Variants in SMARCA4 observed in about 807,000 individuals in gnomAD.
SMARCA4 encodes the protein SWI/SNF-related matrix-associated actin-dependent regulator of chromatin subfamily A member 4.
SMARCA4 carries 31 observed loss-of-function variants against 193.9 expected under a neutral mutation model. The ratio of observed to expected loss-of-function variants is 0.16; its 90% CI spans 0.12 to 0.22. The LOEUF is 0.22. SMARCA4 is among the 10% of genes least tolerant of loss of function. The pLI is 1.00. For missense variants in SMARCA4, 1,148 were observed against 2,296.0 expected (o/e 0.50, Z 10.22); for synonymous variants, 942 against 933.1 (o/e 1.01, Z -0.17).
In SMARCA4 at chr19:11,023,583, C is replaced by T. The variant is rs376805784; in HGVS notation, c.2925C>T (p.Phe975=). The part of the protein sequence containing the change: ...IRRLHKVLRP[F]LLRRLKKEVE... Reference sequence around the variant, plus strand: ...GTCTCCACAAAGTGCTGCGGCCCTTCTTGCTCCGACGACTCAAGAAGGAAG... The same window carrying T: ...GTCTCCACAAAGTGCTGCGGCCCTTTTTGCTCCGACGACTCAAGAAGGAAG... Residue 975 remains phenylalanine (F), a synonymous_variant, in exon 20 of 35, where the codon TTC becomes TTT. Transcript: ENST00000344626. The T allele has an allele frequency of 4.3e-6, 7 of 1,613,192 alleles. No individual in the cohort carries two copies. The highest frequency in any genetic ancestry group is 5.1e-6 in the Non-Finnish European group (6 of 1,179,652).
intron 14 of SMARCA4, among the ~76,000 whole-genome samples, chr19:11,009,006 A>C (rs1216529386): frequency 2.7e-4 from 13 of 48,710 alleles, no homozygotes; most frequent in African/African-American, 1.1e-3. Context: ...GATAAAAGTC[A>C]CTTTTTTTTT....
intron 30 of SMARCA4, among the ~76,000 whole-genome samples, chr19:11,049,492 T>G (rs55780611): frequency 2.3e-4 from 30 of 128,696 alleles, no homozygotes; most frequent in South Asian, 5.3e-4. Flanking sequence ...TGTGTTTTTT[T>G]TTTTTTTTTT....
intron 15 of SMARCA4, chr19:11,012,471 G>A: frequency 5.1e-6 from 1 of 197,378 alleles, no homozygotes; most frequent in South Asian, 9.9e-5. Context: ...TTTGCAAATA[G>A]TCTTCTGTTT....
At chr19:11,051,111 C>T (rs537191370) in intron 30 of SMARCA4, among the ~76,000 whole-genome samples, 2 of 152,354 alleles carry the variant, frequency 1.3e-5, no homozygotes, top group Admixed American at 1.3e-4. Context: ...CCCTGTGGAG[C>T]CGTGCTGGGG....
At chr19:11,024,171 C>T (rs2090079335) in intron 20 of SMARCA4, among the ~76,000 whole-genome samples, 160 bp from the exon 21 acceptor site, 1 of 152,168 alleles carries the variant, frequency 6.6e-6, no homozygotes, top group Non-Finnish European at 1.5e-5. Context: ...CCCAGGTCTC[C>T]CCTCTTCTCC....
intron 30 of SMARCA4, among the ~76,000 whole-genome samples, chr19:11,045,177 G>A (rs541397331): frequency 3.3e-5 from 5 of 152,246 alleles, no homozygotes; most frequent in South Asian, 2.1e-4. Flanking sequence ...AAAATTAGCC[G>A]GGTGTGGTGG....
At chr19:11,016,903 C>A (rs914660430) in intron 16 of SMARCA4, among the ~76,000 whole-genome samples, 2 of 152,102 alleles carry the variant, frequency 1.3e-5, no homozygotes, top group African/African-American at 4.8e-5. Context: ...TCCCTCAAAT[C>A]AGCCATTTCT....
chr19:11,046,914 C>T (rs1382514697), intron 30 of SMARCA4, among the ~76,000 whole-genome samples: 2 of 146,358 alleles, frequency 1.4e-5, no homozygotes, highest in Admixed American at 1.4e-4. Context: ...CATCACTGCA[C>T]TCCACCATGG....
At chr19:11,048,587 T>A (rs1013363508) in intron 30 of SMARCA4, among the ~76,000 whole-genome samples, 10 of 152,114 alleles carry the variant, frequency 6.6e-5, no homozygotes, top group Non-Finnish European at 1.2e-4. Flanking sequence ...AGCTGGAGAG[T>A]GTGCCCATGA....
intron 16 of SMARCA4, among the ~76,000 whole-genome samples, chr19:11,015,278 G>A (rs1243283750): frequency 1.3e-5 from 2 of 152,228 alleles, no homozygotes; most frequent in African/African-American, 2.4e-5. Flanking sequence ...AATCTTGTCA[G>A]TTTTCTCACA....
intron 8 of SMARCA4, among the ~76,000 whole-genome samples, chr19:10,993,229 G>C (rs571768133): frequency 1.3e-5 from 2 of 152,002 alleles, no homozygotes; most frequent in Non-Finnish European, 2.9e-5. Context: ...CAAGTGATCC[G>C]CCTGCCTTGG....
At position 11,019,493 on chromosome 19, in the gene SMARCA4, G is replaced by A. The variant is rs567765245; in HGVS notation, c.2506-98G>A. 528 of 756,794 alleles carry A rather than the reference G, an allele frequency of 7.0e-4. 2 individuals are homozygous for A. The African/African-American group carries it at 7.8e-3, about 11-fold the overall frequency. The allele number at this position is 756,794 out of a possible 1,614,324, so 46.9% of individuals were successfully genotyped here. A position where few individuals can be genotyped will look rare whatever the true frequency, so the allele number is the denominator to read the frequency against. The stretch of plus-strand genomic sequence containing the variant: ...TACCCCTGTGAGGACGAGCCCTCCC[G>A]CCGTGTCACTGGGCAGTTGCAGGGG... On this transcript the variant is annotated intron_variant, in intron 17 of 34. Coordinates refer to ENST00000344626, the MANE Select transcript of SMARCA4 (RefSeq NM_003072.5). The surrounding 1 kb of genome is among the most constrained non-coding windows in gnomAD (Gnocchi z 6.1).
At chr19:11,038,609 A>T (rs2075398504) in intron 29 of SMARCA4, among the ~76,000 whole-genome samples, 1 of 151,620 alleles carries the variant, frequency 6.6e-6, no homozygotes, top group Non-Finnish European at 1.5e-5. Context: ...TTGTTACCCC[A>T]CTTGTGGGGT....
At chr19:11,052,871 G>A (rs1299775569) in intron 30 of SMARCA4, among the ~76,000 whole-genome samples, 2 of 152,196 alleles carry the variant, frequency 1.3e-5, no homozygotes, top group Non-Finnish European at 2.9e-5. Context: ...TCTGGGTGGT[G>A]CCATGTATAA....
At chr19:11,004,993 G>T (rs953842244) in intron 13 of SMARCA4, among the ~76,000 whole-genome samples, 1 of 151,912 alleles carries the variant, frequency 6.6e-6, no homozygotes, top group Non-Finnish European at 1.5e-5. Context: ...CACCAAACCC[G>T]GCTAATTTTT....
At position 10,986,342 on chromosome 19, in the gene SMARCA4, C is replaced by A. The variant is rs762871878; in HGVS notation, c.509C>A (p.Thr170Asn). The change falls in exon 4 of 35, where the codon ACC (threonine) becomes AAC (asparagine). Residue 170 changes from threonine to asparagine, a missense_variant. Coordinates refer to ENST00000344626, the MANE Select transcript of SMARCA4 (RefSeq NM_003072.5). The surrounding 1 kb of genome is among the most constrained non-coding windows in gnomAD (Gnocchi z 6.7). ...TTGGGGCAGCAGAACCGGGGCCCAACCCCATTTAACCAGAACCAGCTGCAC... is the reference window on the plus strand; with the variant it reads ...TTGGGGCAGCAGAACCGGGGCCCAAACCCATTTAACCAGAACCAGCTGCAC... ...QALGQQNRGP[T>N]PFNQNQLHQL... is the part of the protein sequence containing the mutation. 1 of 1,612,976 alleles carries A rather than the reference C, an allele frequency of 6.2e-7. No homozygotes were observed. Among genetic ancestry groups the A allele is most frequent in the Non-Finnish European group, 8.5e-7 (1 of 1,179,742 alleles).
At position 11,035,129 on chromosome 19, in the gene SMARCA4, C is replaced by T. The variant is rs916888114; in HGVS notation, c.4167C>T (p.Leu1389=). ...YSDSLTEKQW[L]KAIEEGTLEE... The stretch of plus-strand genomic sequence containing the variant: ...ACTCACTGACGGAGAAGCAGTGGCT[C>T]AAGGTACATGCTGGAGAGGCCCAGC... The change falls in exon 29 of 35, where the codon CTC becomes CTT. Residue 1389 remains leucine, a synonymous_variant. Transcript: ENST00000344626. 1.9e-6 allele frequency: 3 copies of T among 1,611,530 alleles called. No individual in the cohort carries two copies. The highest frequency in any genetic ancestry group is 2.5e-6 in the Non-Finnish European group (3 of 1,179,376).
At position 11,033,655 on chromosome 19, in the gene SMARCA4, G is replaced by T; in HGVS notation, c.3775-112G>T. The T allele has an allele frequency of 1.3e-6, 1 of 782,004 alleles. No individual in the cohort carries two copies. The highest frequency in any genetic ancestry group is 2.3e-6 in the Non-Finnish European group (1 of 431,674). 48.4% of individuals were successfully genotyped at this position (782,004 alleles called of 1,614,324 possible). A position where few individuals can be genotyped will look rare whatever the true frequency, so the allele number is the denominator to read the frequency against. On this transcript the variant is annotated intron_variant, in intron 26 of 34. Coordinates refer to ENST00000344626, the MANE Select transcript of SMARCA4 (RefSeq NM_003072.5). This position sits in a 1 kb window ranked among gnomAD's most constrained non-coding sequence, Gnocchi z 9.8. ...GGAGTAAAGGGAGTGTGGGCTGAAC[G>T]GAAAGAGGATGAGTACTTGCTTTTT... is the stretch of plus-strand genomic sequence containing the variant.
chr19:11,035,769 A>T (rs1330623985), intron 29 of SMARCA4, among the ~76,000 whole-genome samples: 3 of 152,182 alleles, frequency 2.0e-5, no homozygotes, highest in Non-Finnish European at 4.4e-5. Context: ...CTGGGGCTTC[A>T]CCCGACCCAA....
Sources: gnomAD v4.1 joint callset for allele counts (sites outside exome capture counted in the v4.1 genomes callset) on GRCh38, gnomAD v4.1.1 for gene constraint, Gnocchi (gnomAD v3.1) non-coding constraint, MANE v1.5 for transcripts, NCBI Gene and HGNC (gene_info 2026-07-23, HGNC 2026-07-21) for gene names.